Variants in KLK12 observed in about 807,000 individuals in gnomAD.
KLK12 encodes kallikrein related peptidase 12.
In KLK12, 23 loss-of-function variants were observed where a neutral mutation model predicts 20.0. That is an observed-to-expected ratio of 1.15 (90% CI 0.83 to 1.63). The LOEUF is 1.63. KLK12 is among the 40% of genes most tolerant of loss of function. The pLI is 0.00. For missense variants in KLK12, 351 were observed against 338.6 expected (o/e 1.04, Z -0.29); for synonymous variants, 147 against 141.9 (o/e 1.04, Z -0.25).
At position 51,030,704 on chromosome 19, in the gene KLK12, C is replaced by T. The variant is rs1301691811; in HGVS notation, c.591+84G>A. On this transcript the variant is annotated intron_variant, in intron 5 of 5. Transcript: ENST00000684732. ...GCAGCATCCCCTTTCCCTGATTCAT[C>T]CTCCATCAGTTCCCCTCCTGCTTCC... 10 of 1,561,182 alleles carry T rather than the reference C, an allele frequency of 6.4e-6. No individual in the cohort carries two copies. In the South Asian group the frequency reaches 1.0e-4, roughly 16 times the overall value.
chr19:51,033,900 C>T, intron 3 of KLK12, 80 bp downstream of exon 3: 1 of 1,379,732 alleles, frequency 7.2e-7, no homozygotes, highest in African/African-American at 1.4e-5. Context: ...TCCCAGTGGG[C>T]ACCACCCTCC....
chr19:51,034,160 G>A, intron 2 of KLK12, 21 bp from the exon 3 acceptor site: 1 of 1,551,448 alleles, frequency 6.4e-7, no homozygotes, highest in Middle Eastern at 1.7e-4. Flanking sequence ...ACAGGGGCAT[G>A]GGTCAGAGAG....
intron 4 of KLK12, 65 bp downstream of exon 4, chr19:51,031,811 C>T (rs1293286326): frequency 1.3e-6 from 2 of 1,551,468 alleles, no homozygotes; most frequent in Non-Finnish European, 1.8e-6. Flanking sequence ...ATGATTCGAC[C>T]TCTCGCCCTG....
At chr19:51,034,280 C>A in intron 2 of KLK12, 141 bp from the exon 3 acceptor site, 1 of 1,187,126 alleles carries the variant, frequency 8.4e-7, no homozygotes, top group Non-Finnish European at 1.2e-6. Context: ...GAGAGAGACC[C>A]AGTGATAGAA....
At chr19:51,029,486 C>A in intron 5 of KLK12, 29 bp from the exon 6 acceptor site, 2 of 1,557,656 alleles carry the variant, frequency 1.3e-6, no homozygotes, top group Non-Finnish European at 1.8e-6. Context: ...ACTGTCTGAA[C>A]AAGGGAGACA....
chr19:51,030,944 G>T, intron 4 of KLK12, 23 bp from the exon 5 acceptor site: 2 of 1,613,772 alleles, frequency 1.2e-6, no homozygotes, highest in Non-Finnish European at 1.7e-6. Context: ...CATGCGTGCT[G>T]CAGGGTCCCC....
chr19:51,034,883 A>C lies in KLK12; in HGVS notation c.-97T>G, dbSNP rs1599773329. 4 of 1,371,042 alleles carry C rather than the reference A, an allele frequency of 2.9e-6. No individual in the cohort carries two copies. Among genetic ancestry groups the C allele is most frequent in the Non-Finnish European group, 2.8e-6 (3 of 1,059,592 alleles). 84.9% of individuals were successfully genotyped at this position (1,371,042 alleles called of 1,614,324 possible). ...CCTCGTCGCTGCTATCTCTCCGTCCACCTACCTGCCTGTCTTCTCATGTGC... is the reference window on the plus strand; with the variant it reads ...CCTCGTCGCTGCTATCTCTCCGTCCCCCTACCTGCCTGTCTTCTCATGTGC... On this transcript the variant is annotated 5_prime_UTR_variant, in exon 1 of 6. Transcript: ENST00000684732.
chr19:51,030,780 T>C lies in KLK12; in HGVS notation c.591+8A>G. On this transcript the variant is annotated splice_region_variant and intron_variant, in intron 5 of 5. Transcript: ENST00000684732. ...TGGTGACCACGCACGCTGCCTGCAC[T>C]GGCTCACCTGGCAGGCATCCTGCCC... 4 of 1,613,362 alleles carry C rather than the reference T, an allele frequency of 2.5e-6. No homozygotes were observed. The highest frequency in any genetic ancestry group is 3.4e-6 in the Non-Finnish European group (4 of 1,179,990).
In KLK12 at chr19:51,033,084, C is replaced by A. The variant is rs118035100; in HGVS notation, c.197+896G>T. Among the ~76,000 whole-genome samples the A allele has an allele frequency of 2.6e-5, 4 of 151,246 alleles. No individual in the cohort carries two copies. In the East Asian group the frequency reaches 7.9e-4, roughly 30 times the overall value. On this transcript the variant is annotated intron_variant, in intron 3 of 5. Transcript: ENST00000684732. ...TTTAAAAATTAGCCAGGTGTGGTGG[C>A]GCAGGCCTGTAGTCTTAGCTCCTTG...
rs143678001 is a variant in KLK12 at position 51,030,320 on chromosome 19, CATTATT to C, written c.591+462_591+467del. On this transcript the variant is annotated intron_variant, in intron 5 of 5. Transcript: ENST00000684732. ...CCTCCCTTATCCTGGGCCTCTCCTCCATTATTATTATTATTATTATTATTATTATTA... is the reference window on the plus strand; with the variant it reads ...CCTCCCTTATCCTGGGCCTCTCCTCCATTATTATTATTATTATTATTATTA... Among the ~76,000 whole-genome samples the C allele has an allele frequency of 1.7e-3, 225 of 134,682 alleles. 1 individual carries two copies. Among genetic ancestry groups the C allele is most frequent in the East Asian group, 3.3e-3 (15 of 4,560 alleles). 88.4% of individuals were successfully genotyped at this position (134,682 alleles called of 152,430 possible).
intron 4 of KLK12, among the ~76,000 whole-genome samples, chr19:51,031,324 C>A (rs941040915): frequency 7.2e-5 from 11 of 152,026 alleles, no homozygotes; most frequent in Admixed American, 5.2e-4. Flanking sequence ...TAACCTCCAA[C>A]CTCAGCTCTG....
At position 51,032,083 on chromosome 19, in the gene KLK12, C is replaced by G. The variant is rs777184648; in HGVS notation, c.250G>C (p.Glu84Gln). Residue 84 changes from glutamate to glutamine, a missense_variant, in exon 4 of 6, where the codon GAG becomes CAG. Physicochemically the swap from Glu to Gln is conservative, Grantham distance 29. Coordinates refer to ENST00000684732, the MANE Select transcript of KLK12 (RefSeq NM_001370125.1). ...EHSLSQLDWT[E>Q]QIRHSGFSVT... ...GAGAAGCCGCTGTGCCGGATCTGCT[C>G]GGTCCAGTCGAGCTGGCTGAGGCTG... 3 of 1,604,920 alleles carry G rather than the reference C, an allele frequency of 1.9e-6. No homozygotes were observed. The highest frequency in any genetic ancestry group is 2.5e-6 in the Non-Finnish European group (3 of 1,177,894).
intron 3 of KLK12, among the ~76,000 whole-genome samples, chr19:51,032,593 G>A (rs2091570739): frequency 6.6e-6 from 1 of 151,794 alleles, no homozygotes; most frequent in African/African-American, 2.4e-5. Flanking sequence ...CACCATGTGT[G>A]TCAGGCTGGT....
Position 51,030,802 on chromosome 19 carries a change from G to T in KLK12, c.577C>A (p.Gln193Lys), listed in dbSNP as rs1308880627. Residue 193 changes from glutamine to lysine, a missense_variant, in exon 5 of 6, where the codon CAG (glutamine) becomes AAG (lysine). Transcript: ENST00000684732. Reference sequence around the variant, plus strand: ...CACTGGCTCACCTGGCAGGCATCCTGCCCCGGGACGCCGCCTGCACACACC... The same window carrying T: ...CACTGGCTCACCTGGCAGGCATCCTTCCCCGGGACGCCGCCTGCACACACC... ...NMVCAGGVPG[Q>K]DACQGDSGGP... is the part of the protein sequence containing the mutation. The T allele has an allele frequency of 6.2e-7, 1 of 1,613,768 alleles. No homozygotes were observed. The highest frequency in any genetic ancestry group is 8.5e-7 in the Non-Finnish European group (1 of 1,180,010).
chr19:51,034,924 C>G lies in KLK12; in HGVS notation c.-138G>C. ...TCTCATGTGCTGGCCACTCCGCCAGCCAACTCTACCACTCTGCACCTGGCT... is the reference window on the plus strand; with the variant it reads ...TCTCATGTGCTGGCCACTCCGCCAGGCAACTCTACCACTCTGCACCTGGCT... On this transcript the variant is annotated 5_prime_UTR_variant, in exon 1 of 6. Transcript: ENST00000684732. 5 of 1,291,382 alleles carry G rather than the reference C, an allele frequency of 3.9e-6. No homozygotes were observed. The highest frequency in any genetic ancestry group is 4.9e-6 in the Non-Finnish European group (5 of 1,010,558). 80.0% of individuals were successfully genotyped at this position (1,291,382 alleles called of 1,614,324 possible). A position where few individuals can be genotyped will look rare whatever the true frequency, so the allele number is the denominator to read the frequency against.
chr19:51,032,241 A>G, intron 3 of KLK12, 106 bp from the exon 4 acceptor site: 1 of 1,304,882 alleles, frequency 7.7e-7, no homozygotes, highest in Non-Finnish European at 1.1e-6. Flanking sequence ...TCTGCCCCTC[A>G]CTGTCTGTCC....
chr19:51,031,537 T>A (rs1446676807), intron 4 of KLK12, among the ~76,000 whole-genome samples: 1 of 148,400 alleles, frequency 6.7e-6, no homozygotes, highest in Non-Finnish European at 1.5e-5. Context: ...ATGACCTTAA[T>A]TCTACGGTGA....
At chr19:51,029,583 TAA>T (rs1333654412) in intron 5 of KLK12, 126 bp from the exon 6 acceptor site, 8 of 766,192 alleles carry the variant, frequency 1.0e-5, no homozygotes, top group South Asian at 1.5e-5. Context: ...CAAAAGAGTA[TAA>T]TCACTTTCCC....
chr19:51,033,913 T>C, intron 3 of KLK12, 67 bp downstream of exon 3: 1 of 1,484,014 alleles, frequency 6.7e-7, no homozygotes, highest in Non-Finnish European at 9.3e-7. Context: ...CACCCTCCCT[T>C]GTGATCCTAC....
Sources: allele counts gnomAD v4.1 joint callset (sites outside exome capture counted in the v4.1 genomes callset), GRCh38; gene constraint gnomAD v4.1.1; transcripts MANE v1.5; gene names NCBI Gene and HGNC (gene_info 2026-07-23, HGNC 2026-07-21).